The following FANCC variants were observed in gnomAD, a reference collection of about 807,000 sequenced individuals.
FANCC encodes the protein FA complementation group C, also known as Fanconi anemia group C protein.
In FANCC, 55 loss-of-function variants were observed where a neutral mutation model predicts 71.3. The ratio of observed to expected loss-of-function variants is 0.77; its 90% CI spans 0.62 to 0.97. The LOEUF is 0.97. Among genes scored for constraint, FANCC ranks in the 50% least tolerant of loss-of-function variants. The probability of loss-of-function intolerance (pLI) is 0.00; values close to 1 mark genes in which losing one functional copy is unlikely to be tolerated. For synonymous variants in FANCC, 275 were observed against 244.9 expected (o/e 1.12, Z -1.15); for missense variants, 678 against 670.9 (o/e 1.01, Z -0.12).
At chr9:95,287,522 C>T (rs1833759402) in intron 1 of FANCC, among the ~76,000 whole-genome samples, 3 of 152,214 alleles carry the variant, frequency 2.0e-5, no homozygotes, top group African/African-American at 4.8e-5. Context: ...TATATTTACA[C>T]ATCCAAAGTT....
intron 4 of FANCC, among the ~76,000 whole-genome samples, chr9:95,188,328 A>AG (rs1280112996): frequency 6.6e-6 from 1 of 152,196 alleles, no homozygotes; most frequent in African/African-American, 2.4e-5. Context: ...GGAGGCACAC[A>AG]GCGCGTGGGT....
intron 8 of FANCC, among the ~76,000 whole-genome samples, chr9:95,131,701 G>C (rs1826936185): frequency 6.6e-6 from 1 of 152,170 alleles, no homozygotes; most frequent in African/African-American, 2.4e-5. Context: ...GTGCCGAAAA[G>C]ACTGAAAAAG....
chr9:95,292,506 C>T (rs1264897524), intron 1 of FANCC: 13 of 1,445,880 alleles, frequency 9.0e-6, no homozygotes, highest in Non-Finnish European at 1.2e-5. Context: ...GGTGACGCAG[C>T]AGCCCGCGGC....
At chr9:95,302,625 G>C (rs1337219906) in intron 1 of FANCC, among the ~76,000 whole-genome samples, 1 of 152,228 alleles carries the variant, frequency 6.6e-6, no homozygotes, top group Non-Finnish European at 1.5e-5. Flanking sequence ...AGACTCACCA[G>C]TGCTCAGTAG....
intron 1 of FANCC, chr9:95,293,939 G>A (rs1834219618): frequency 6.3e-7 from 1 of 1,589,772 alleles, no homozygotes; most frequent in Non-Finnish European, 8.6e-7. Flanking sequence ...AACATTATAA[G>A]CAACAGTTTA....
At chr9:95,302,846 G>A (rs1228807118) in intron 1 of FANCC, among the ~76,000 whole-genome samples, 1 of 152,234 alleles carries the variant, frequency 6.6e-6, no homozygotes, top group Non-Finnish European at 1.5e-5. Context: ...ATGGCCAAAT[G>A]AATAGCATGA....
At chr9:95,278,405 A>G (rs1270884623) in intron 1 of FANCC, among the ~76,000 whole-genome samples, 5 of 152,232 alleles carry the variant, frequency 3.3e-5, no homozygotes, top group Admixed American at 1.3e-4. Context: ...TACCATAACT[A>G]CTGATAAAAC....
intron 4 of FANCC, 129 bp downstream of exon 4, chr9:95,240,520 G>A (rs1460082107): frequency 3.0e-6 from 2 of 670,920 alleles, no homozygotes; most frequent in African/African-American, 1.8e-5. Context: ...TAACAGTGAA[G>A]GGTATGTTTG....
intron 4 of FANCC, among the ~76,000 whole-genome samples, chr9:95,200,778 C>T (rs1827757780): frequency 6.6e-6 from 1 of 152,132 alleles, no homozygotes; most frequent in Non-Finnish European, 1.5e-5. Context: ...CTTCAAGTAA[C>T]TTATGCATAT....
At chr9:95,112,512 G>C (rs1433047911) in intron 12 of FANCC, among the ~76,000 whole-genome samples, 1 of 152,226 alleles carries the variant, frequency 6.6e-6, no homozygotes, top group East Asian at 1.9e-4. Context: ...TTGAGCAACA[G>C]AGACATGTCC....
chr9:95,105,206 T>C (rs2071352300), intron 14 of FANCC, among the ~76,000 whole-genome samples: 1 of 152,222 alleles, frequency 6.6e-6, no homozygotes, highest in South Asian at 2.1e-4. Context: ...AGGACTGTCC[T>C]ACCAGGATGG....
At chr9:95,237,151 T>C (rs954107670) in intron 4 of FANCC, among the ~76,000 whole-genome samples, 1 of 152,258 alleles carries the variant, frequency 6.6e-6, no homozygotes, top group African/African-American at 2.4e-5. Flanking sequence ...TATCGGTTCA[T>C]GTTATTTAGT....
At chr9:95,140,645 C>T (rs1427161232) in intron 7 of FANCC, among the ~76,000 whole-genome samples, 1 of 152,152 alleles carries the variant, frequency 6.6e-6, no homozygotes, top group Non-Finnish European at 1.5e-5. Flanking sequence ...CAACAGTCCA[C>T]CTTTTCAAAC....
chr9:95,131,229 T>C (rs1026578344), intron 8 of FANCC, among the ~76,000 whole-genome samples: 1 of 152,244 alleles, frequency 6.6e-6, no homozygotes, highest in African/African-American at 2.4e-5. Context: ...TCTCTGTGTT[T>C]GGACACAGAG....
At chr9:95,182,224 A>T (rs1261246416) in intron 4 of FANCC, among the ~76,000 whole-genome samples, 3 of 152,110 alleles carry the variant, frequency 2.0e-5, no homozygotes, top group African/African-American at 7.2e-5. Context: ...ATATACAAAA[A>T]AAAAAAAAGG....
At chr9:95,153,910 C>T (rs1318496130) in intron 6 of FANCC, among the ~76,000 whole-genome samples, 1 of 152,118 alleles carries the variant, frequency 6.6e-6, no homozygotes, top group Non-Finnish European at 1.5e-5. Flanking sequence ...TTTAGTACTT[C>T]AATGTGTTGT....
chr9:95,135,585 C>T (rs1827554902), intron 7 of FANCC, 83 bp from the exon 8 acceptor site: 2 of 1,177,136 alleles, frequency 1.7e-6, no homozygotes, highest in South Asian at 2.6e-5. Flanking sequence ...AATGCAATCA[C>T]TAATCCAATT....
chr9:95,197,159 C>T (rs1827506148), intron 4 of FANCC, among the ~76,000 whole-genome samples: 1 of 152,102 alleles, frequency 6.6e-6, no homozygotes, highest in African/African-American at 2.4e-5. Context: ...TATATGCCTA[C>T]AATATTTCCA....
chr9:95,156,271 G>C (rs1272034888), intron 6 of FANCC, among the ~76,000 whole-genome samples: 1 of 152,112 alleles, frequency 6.6e-6, no homozygotes. Flanking sequence ...TAGCAGTTCA[G>C]GATATTCCTA....
Sources: allele counts gnomAD v4.1 joint callset (sites outside exome capture counted in the v4.1 genomes callset), GRCh38; gene constraint gnomAD v4.1.1; transcripts MANE v1.5; gene names NCBI Gene and HGNC (gene_info 2026-07-23, HGNC 2026-07-21).